SLC2A9: variants seen among roughly 807,000 people sequenced by gnomAD.
SLC2A9 encodes solute carrier family 2 member 9.
Under a neutral mutation model 50.6 loss-of-function variants are expected in SLC2A9, and 39 were observed. That is an observed-to-expected ratio of 0.77 (90% CI 0.60 to 1.01). SLC2A9 has a LOEUF of 1.01. Ranked by LOEUF, SLC2A9 falls within the 50% of genes least tolerant of loss-of-function variation. The pLI is 0.00. For missense variants in SLC2A9, 686 were observed against 677.6 expected, an observed-to-expected ratio of 1.01 and a Z score of -0.14; for synonymous variants, 324 against 276.9, an observed-to-expected ratio of 1.17 and a Z score of -1.69.
intron 5 of SLC2A9, among the ~76,000 whole-genome samples, chr4:9,958,886 G>A (rs75960029): frequency 6.6e-6 from 1 of 151,842 alleles, no homozygotes; most frequent in South Asian, 2.1e-4. Context: ...TGGAGAATTT[G>A]AAAAAAATTA....
intron 3 of SLC2A9, among the ~76,000 whole-genome samples, chr4:9,801,471 C>T (rs182171789): frequency 1.6e-4 from 25 of 152,296 alleles, no homozygotes; most frequent in African/African-American, 5.1e-4. Flanking sequence ...AATTCAACCC[C>T]GTTGGAGACC....
chr4:9,988,672 C>T (rs1757157308), intron 3 of SLC2A9, among the ~76,000 whole-genome samples: 1 of 152,174 alleles, frequency 6.6e-6, no homozygotes, highest in Admixed American at 6.5e-5. Context: ...ACCTAGGATG[C>T]CTGATTCATT....
chr4:9,938,993 C>A (rs1747648120), intron 6 of SLC2A9, among the ~76,000 whole-genome samples: 1 of 152,152 alleles, frequency 6.6e-6, no homozygotes, highest in Non-Finnish European at 1.5e-5. Flanking sequence ...AAGTTCGTGG[C>A]CTCCCTACGT....
intron 8 of SLC2A9, among the ~76,000 whole-genome samples, chr4:9,898,798 G>T (rs539360264): frequency 6.6e-6 from 1 of 152,216 alleles, no homozygotes; most frequent in Non-Finnish European, 1.5e-5. Flanking sequence ...CCCTCAGGAC[G>T]TCCTGTCTGA....
At position 10,019,090 on chromosome 4, in the gene SLC2A9, C is replaced by G; in HGVS notation, c.151-17G>C. 1.9e-6 allele frequency: 3 copies of G among 1,549,730 alleles called. No individual in the cohort carries two copies. Among genetic ancestry groups the G allele is most frequent in the Non-Finnish European group, 2.6e-6 (3 of 1,145,614 alleles). On this transcript the variant is annotated splice_polypyrimidine_tract_variant and intron_variant, in intron 1 of 11. Transcript: ENST00000264784. Reference sequence around the variant, plus strand: ...GGACCAGTCCTGAGGGGAGAGGAAACCACGTCAGAGCCGGCACCGGGCGCG... The same window carrying G: ...GGACCAGTCCTGAGGGGAGAGGAAAGCACGTCAGAGCCGGCACCGGGCGCG...
At chr4:10,014,501 C>A (rs1466502354) in intron 2 of SLC2A9, among the ~76,000 whole-genome samples, 6 of 152,194 alleles carry the variant, frequency 3.9e-5, no homozygotes, top group African/African-American at 1.4e-4. Flanking sequence ...CTGGCCTCTG[C>A]AACCTTTCTG....
At chr4:9,903,065 T>G (rs1739957185) in intron 8 of SLC2A9, among the ~76,000 whole-genome samples, 1 of 152,156 alleles carries the variant, frequency 6.6e-6, no homozygotes, top group Admixed American at 6.5e-5. Flanking sequence ...GTCACCCAGC[T>G]AGCAGCTGCG....
chr4:9,834,933 G>A lies in SLC2A9; in HGVS notation c.1367C>T (p.Thr456Ile). 1 of 1,614,112 alleles carries A rather than the reference G, an allele frequency of 6.2e-7. No homozygotes were observed. Among genetic ancestry groups the A allele is most frequent in the Non-Finnish European group, 8.5e-7 (1 of 1,180,034 alleles). Residue 456 changes from threonine (T) to isoleucine (I), a missense_variant, in exon 11 of 12, where the codon ACC becomes ATC. Coordinates refer to ENST00000264784, the MANE Select transcript of SLC2A9 (RefSeq NM_020041.3). ...QRPAAFIIAG[T>I]VNWLSNFAVG... Reference sequence around the variant, plus strand: ...AGCAAAGTTGGAGAGCCAGTTGACGGTGCCTGCAATGATGAAGGCAGCCGG... The same window carrying A: ...AGCAAAGTTGGAGAGCCAGTTGACGATGCCTGCAATGATGAAGGCAGCCGG...
intron 5 of SLC2A9, among the ~76,000 whole-genome samples, chr4:9,970,029 G>T (rs1227360178): frequency 6.6e-6 from 1 of 152,176 alleles, no homozygotes. Context: ...CAGACTCTTT[G>T]AAAGAAGTGG....
intron 5 of SLC2A9, among the ~76,000 whole-genome samples, chr4:9,978,595 C>T (rs1284565361): frequency 6.6e-6 from 1 of 152,152 alleles, no homozygotes; most frequent in East Asian, 1.9e-4. Context: ...AAACAAAAAG[C>T]AAAAGAGTCT....
chr4:9,817,557 T>C (rs1211072754), intron 3 of SLC2A9, among the ~76,000 whole-genome samples: 2 of 152,206 alleles, frequency 1.3e-5, no homozygotes, highest in Non-Finnish European at 2.9e-5. Context: ...CACAAACACA[T>C]CCACTCACAT....
chr4:9,844,887 A>G (rs1416722229), intron 10 of SLC2A9, among the ~76,000 whole-genome samples: 1 of 152,254 alleles, frequency 6.6e-6, no homozygotes, highest in Admixed American at 6.5e-5. Context: ...TTAGCAATGC[A>G]CACCTGTGGT....
intron 10 of SLC2A9, among the ~76,000 whole-genome samples, chr4:9,851,072 C>T (rs77963917): frequency 2.0e-5 from 3 of 152,160 alleles, no homozygotes; most frequent in African/African-American, 7.2e-5. Context: ...GTGCCCCACC[C>T]CAGGCAATGC....
At chr4:9,935,494 G>A (rs562440923) in intron 6 of SLC2A9, among the ~76,000 whole-genome samples, 1 of 152,344 alleles carries the variant, frequency 6.6e-6, no homozygotes, top group South Asian at 2.1e-4. Flanking sequence ...CTCAGAACCT[G>A]GAGCTGAGCT....
chr4:10,032,137 C>A (rs1011208698), intron 1 of SLC2A9, among the ~76,000 whole-genome samples: 13 of 152,178 alleles, frequency 8.5e-5, no homozygotes, highest in Non-Finnish European at 1.9e-4. Flanking sequence ...CCAAGTGGGG[C>A]ATCAGACTAA....
chr4:9,828,749 C>T (rs1725543547), intron 11 of SLC2A9, among the ~76,000 whole-genome samples: 1 of 152,196 alleles, frequency 6.6e-6, no homozygotes, highest in South Asian at 2.1e-4. Context: ...ATAGCCCCTC[C>T]CAGCCCTGCT....
At chr4:9,805,702 T>C (rs1165659599) in intron 3 of SLC2A9, among the ~76,000 whole-genome samples, 1 of 149,866 alleles carries the variant, frequency 6.7e-6, no homozygotes, top group Non-Finnish European at 1.5e-5. Flanking sequence ...TTTTTTTTTT[T>C]TTTGTCTCAA....
intron 10 of SLC2A9, among the ~76,000 whole-genome samples, chr4:9,861,370 AG>A (rs34237127): frequency 2.0e-5 from 3 of 152,082 alleles, no homozygotes; most frequent in African/African-American, 7.2e-5. Flanking sequence ...AGGACAGTAC[AG>A]GGGGGATGGT....
downstream of SLC2A9, among the ~76,000 whole-genome samples, chr4:9,779,480 T>G (rs1473668488): frequency 2.6e-5 from 4 of 151,096 alleles, no homozygotes; most frequent in African/African-American, 4.9e-5. Context: ...GGTGGTGTGA[T>G]CTCGGCTCAC....
Sources: allele counts gnomAD v4.1 joint callset (sites outside exome capture counted in the v4.1 genomes callset), GRCh38; gene constraint gnomAD v4.1.1; transcripts MANE v1.5; gene names NCBI Gene and HGNC (gene_info 2026-07-23, HGNC 2026-07-21).